The following NADSYN1 variants were observed in gnomAD, a reference collection of about 807,000 sequenced individuals.
NADSYN1 encodes NAD synthetase 1.
NADSYN1 carries 80 observed loss-of-function variants against 99.3 expected under a neutral mutation model. The ratio of observed to expected loss-of-function variants is 0.81; its 90% CI spans 0.67 to 0.97. NADSYN1 has a LOEUF of 0.97. Ranked by LOEUF, NADSYN1 falls within the 50% of genes least tolerant of loss-of-function variation. The pLI, the probability that NADSYN1 is intolerant of heterozygous loss-of-function variation, is 0.00. For missense variants in NADSYN1, 859 were observed against 948.5 expected (o/e 0.91, Z 1.24); for synonymous variants, 385 against 372.1 (o/e 1.03, Z -0.40).
At chr11:71,472,017 A>G (rs1949630513) in intron 5 of NADSYN1, among the ~76,000 whole-genome samples, 1 of 152,206 alleles carries the variant, frequency 6.6e-6, no homozygotes, top group South Asian at 2.1e-4. Context: ...AATTGAGAGC[A>G]TCATTTTATT....
chr11:71,466,381 G>T (rs964185268), intron 5 of NADSYN1, among the ~76,000 whole-genome samples: 1 of 152,100 alleles, frequency 6.6e-6, no homozygotes, highest in Non-Finnish European at 1.5e-5. Flanking sequence ...TAGTGTTCTG[G>T]TGCCCAGGGT....
intron 5 of NADSYN1, among the ~76,000 whole-genome samples, chr11:71,466,455 C>T (rs1340696665): frequency 2.6e-5 from 4 of 152,152 alleles, no homozygotes; most frequent in Non-Finnish European, 5.9e-5. Flanking sequence ...GTCCAGGTAT[C>T]GTTTGCTTCT....
At chr11:71,465,085 A>T (rs1276358088) in intron 5 of NADSYN1, among the ~76,000 whole-genome samples, 1 of 152,044 alleles carries the variant, frequency 6.6e-6, no homozygotes, top group Non-Finnish European at 1.5e-5. Flanking sequence ...AGTATGTTAC[A>T]ATATCGCAAC....
chr11:71,476,980 A>G, intron 9 of NADSYN1: 1 of 1,032,144 alleles, frequency 9.7e-7, no homozygotes, highest in South Asian at 3.4e-5. Flanking sequence ...GGCCTGCTGT[A>G]TTCAGAGTGG....
intron 5 of NADSYN1, among the ~76,000 whole-genome samples, chr11:71,464,924 A>G (rs992699477): frequency 2.7e-5 from 4 of 148,704 alleles, no homozygotes; most frequent in African/African-American, 9.8e-5. Context: ...ATTTAGTTCT[A>G]GGAAGTGCTT....
rs1949700996 is a variant in NADSYN1, at chr11:71,480,778, CAGAGTGAA to C, written c.898_905del (p.Arg300GlyfsTer17). 6.2e-7 allele frequency: 1 copy of C among 1,614,178 alleles called. No individual in the cohort carries two copies. Among genetic ancestry groups the C allele is most frequent in the Non-Finnish European group, 8.5e-7 (1 of 1,180,022 alleles). On this transcript the variant is annotated frameshift_variant, in exon 11 of 21. Coordinates refer to ENST00000319023, the MANE Select transcript of NADSYN1 (RefSeq NM_018161.5). LOFTEE classifies it high-confidence loss of function. ...AGGCCAGCAGGGCGAGCCCCTACCC[CAGAGTGAA>C]GGTGGACTTTGCCCTCTCGTGCCAC...
chr11:71,481,117 C>T (rs921614217), intron 11 of NADSYN1: 4 of 649,540 alleles, frequency 6.2e-6, no homozygotes, highest in Non-Finnish European at 1.1e-5. Flanking sequence ...TGCTGTCCGT[C>T]CATTCTGTGG....
chr11:71,477,393 G>A (rs764311210), intron 9 of NADSYN1: 9 of 1,289,712 alleles, frequency 7.0e-6, no homozygotes, highest in Non-Finnish European at 7.1e-6. Flanking sequence ...GAGAACCACA[G>A]GATGCGTGAA....
chr11:71,454,401 A>G (rs540723616), intron 1 of NADSYN1, among the ~76,000 whole-genome samples: 3 of 152,182 alleles, frequency 2.0e-5, no homozygotes, highest in Non-Finnish European at 4.4e-5. Flanking sequence ...TAGTAGAGAC[A>G]AGGTTTCACC....
At position 71,455,099 on chromosome 11, in the gene NADSYN1, T is replaced by C; in HGVS notation, c.86-11T>C. On this transcript the variant is annotated splice_polypyrimidine_tract_variant and intron_variant, in intron 1 of 20. Coordinates refer to ENST00000319023, the MANE Select transcript of NADSYN1 (RefSeq NM_018161.5). ...AATTGCTCCATTTTCTTTTTCTCTC[T>C]GTACTTACAGGTATTGAAATTGCCA... 57 of 1,609,744 alleles carry C rather than the reference T, an allele frequency of 3.5e-5. No homozygotes were observed. Among genetic ancestry groups the C allele is most frequent in the Non-Finnish European group, 4.8e-5 (56 of 1,176,480 alleles).
At chr11:71,466,405 T>G (rs1403275708) in intron 5 of NADSYN1, among the ~76,000 whole-genome samples, 1 of 152,192 alleles carries the variant, frequency 6.6e-6, no homozygotes, top group Admixed American at 6.5e-5. Flanking sequence ...TCTGGTGCAC[T>G]CTGGTTCCCA....
intron 5 of NADSYN1, among the ~76,000 whole-genome samples, chr11:71,468,949 A>C (rs1052551391): frequency 5.3e-5 from 8 of 152,176 alleles, no homozygotes; most frequent in Non-Finnish European, 1.0e-4. Context: ...AAAAATGATA[A>C]AATTTTATGG....
At chr11:71,456,852 G>C (rs1949517980) in intron 2 of NADSYN1, among the ~76,000 whole-genome samples, 1 of 152,216 alleles carries the variant, frequency 6.6e-6, no homozygotes, top group Non-Finnish European at 1.5e-5. Context: ...CAGGAGAGGA[G>C]GGACATCACT....
intron 2 of NADSYN1, 77 bp downstream of exon 2, chr11:71,455,247 GA>G: frequency 7.8e-7 from 1 of 1,289,584 alleles, no homozygotes; most frequent in South Asian, 1.2e-5. Context: ...AGAAGGCAAG[GA>G]AGGAGCAGGG....
intron 16 of NADSYN1, among the ~76,000 whole-genome samples, chr11:71,489,991 C>T (rs902946987): frequency 7.2e-5 from 11 of 152,130 alleles, no homozygotes; most frequent in African/African-American, 9.7e-5. Flanking sequence ...TGGAGAAGGA[C>T]GGCTGTAACC....
At chr11:71,464,165 C>A (rs1052483816) in intron 5 of NADSYN1, 23 bp downstream of exon 5, 5 of 1,577,570 alleles carry the variant, frequency 3.2e-6, no homozygotes, top group Non-Finnish European at 3.5e-6. Context: ...CCTGACCACT[C>A]CTGGGATGTG....
chr11:71,473,219 G>A, intron 6 of NADSYN1, 59 bp from the exon 7 acceptor site: 5 of 1,515,974 alleles, frequency 3.3e-6, no homozygotes, highest in Non-Finnish European at 4.6e-6. Context: ...CCTAGGTAGT[G>A]CGTGGCCCAG....
chr11:71,500,346 G>A (rs1385139087), intron 20 of NADSYN1, among the ~76,000 whole-genome samples: 3 of 151,058 alleles, frequency 2.0e-5, no homozygotes, highest in African/African-American at 4.9e-5. Flanking sequence ...AAACGAGGGT[G>A]GATCAGTGGC....
Position 71,453,336 on chromosome 11 carries a change from CAGT to C in NADSYN1, c.41_43del (p.Gln14_Trp15delinsArg). 6.2e-7 allele frequency: 1 copy of C among 1,613,922 alleles called. No homozygotes were observed. The highest frequency in any genetic ancestry group is 8.5e-7 in the Non-Finnish European group (1 of 1,179,854). ...GACCGTGGCCACCTGCGCACTCAAC[CAGT>C]GGGCCCTGGACTTCGAGGGCAATTT... On this transcript the variant is annotated inframe_deletion, in exon 1 of 21. Transcript: ENST00000319023.
Sources: allele counts gnomAD v4.1 joint callset (sites outside exome capture counted in the v4.1 genomes callset), GRCh38; gene constraint gnomAD v4.1.1; transcripts MANE v1.5; gene names NCBI Gene and HGNC (gene_info 2026-07-23, HGNC 2026-07-21).